Variants in HECW1 observed in about 807,000 individuals in gnomAD.
HECW1 encodes E3 ubiquitin-protein ligase HECW1.
Under a neutral mutation model 182.3 loss-of-function variants are expected in HECW1, and 61 were observed. The observed-to-expected ratio is 0.33, with a 90% CI of 0.27 to 0.41. The LOEUF (loss-of-function observed/expected upper bound fraction) is 0.41. HECW1 is among the 10% of genes least tolerant of loss of function. HECW1 has a pLI of 1.00. For synonymous variants in HECW1, 859 were observed against 832.6 expected (o/e 1.03, Z -0.55); for missense variants, 1,739 against 2,108.9 (o/e 0.82, Z 3.44).
At chr7:43,454,253 G>C (rs1005559618) in intron 12 of HECW1, among the ~76,000 whole-genome samples, 34 of 152,360 alleles carry the variant, frequency 2.2e-4, no homozygotes, top group African/African-American at 7.9e-4. Context: ...CTCTAGTTCA[G>C]AGTGAGTGCT....
At chr7:43,456,241 A>T in intron 12 of HECW1, 56 bp from the exon 13 acceptor site, 1 of 1,539,286 alleles carries the variant, frequency 6.5e-7, no homozygotes, top group Non-Finnish European at 8.9e-7. Context: ...TATGTGTTTC[A>T]CGTGGGTCAG....
Position 43,517,310 on chromosome 7 carries a change from T to C in HECW1, c.4019+8189T>C, listed in dbSNP as rs189079950. ...TTTCCAAGAGGATCCCAAGGCCCTT[T>C]GCTAACTGCAAAATAAACAGACTCC... On this transcript the variant is annotated intron_variant, in intron 24 of 29. Transcript: ENST00000395891. Among the ~76,000 whole-genome samples, 572 of 152,248 alleles carry C rather than the reference T, an allele frequency of 3.8e-3. 1 individual carries two copies. Among genetic ancestry groups the C allele is most frequent in the African/African-American group, 0.013 (538 of 41,548 alleles).
At chr7:43,179,533 G>A (rs1460028222) in intron 2 of HECW1, among the ~76,000 whole-genome samples, 1 of 149,684 alleles carries the variant, frequency 6.7e-6, no homozygotes, top group African/African-American at 2.5e-5. Flanking sequence ...GGTTATTTGG[G>A]AGAATTGTAT....
chr7:43,458,238 T>G (rs1204620307), intron 13 of HECW1, among the ~76,000 whole-genome samples: 2 of 152,208 alleles, frequency 1.3e-5, no homozygotes, highest in Non-Finnish European at 2.9e-5. Context: ...TCCAATTGTT[T>G]AGCAGAGAAA....
intron 6 of HECW1, among the ~76,000 whole-genome samples, chr7:43,392,261 T>C (rs2075058730): frequency 6.6e-6 from 1 of 152,202 alleles, no homozygotes; most frequent in African/African-American, 2.4e-5. Context: ...TTAGGGGAAA[T>C]AATTCTGTAA....
At chr7:43,283,131 AAAAG>A (rs59930626) in intron 3 of HECW1, among the ~76,000 whole-genome samples, 248 of 152,184 alleles carry the variant, frequency 1.6e-3, no homozygotes, top group South Asian at 9.6e-3. Context: ...TCCAAAAAAA[AAAAG>A]AAAGAAAGAA....
At chr7:43,277,792 A>T (rs1476365958) in intron 3 of HECW1, among the ~76,000 whole-genome samples, 1 of 152,010 alleles carries the variant, frequency 6.6e-6, no homozygotes, top group Non-Finnish European at 1.5e-5. Flanking sequence ...TAGAACCACC[A>T]AGGATCTCCA....
intron 8 of HECW1, among the ~76,000 whole-genome samples, chr7:43,422,121 G>A (rs2076202574): frequency 6.6e-6 from 1 of 152,128 alleles, no homozygotes; most frequent in East Asian, 1.9e-4. Context: ...TTAAATATCA[G>A]ATTGGAGGAA....
At chr7:43,367,738 G>GTC (rs1310366845) in intron 6 of HECW1, among the ~76,000 whole-genome samples, 1 of 152,142 alleles carries the variant, frequency 6.6e-6, no homozygotes, top group Non-Finnish European at 1.5e-5. Context: ...TTTAAACTTT[G>GTC]TCTCCATTCT....
chr7:43,146,682 C>T (rs981186815), intron 2 of HECW1, among the ~76,000 whole-genome samples: 1 of 152,176 alleles, frequency 6.6e-6, no homozygotes, highest in East Asian at 1.9e-4. Context: ...AAGAGAGAAG[C>T]TTCTGAAGGG....
chr7:43,544,708 G>A (rs2081489653), intron 26 of HECW1, among the ~76,000 whole-genome samples: 2 of 152,140 alleles, frequency 1.3e-5, no homozygotes, highest in Admixed American at 6.5e-5. Context: ...CAGTCTAAAT[G>A]TCCAGCAGTA....
intron 12 of HECW1, among the ~76,000 whole-genome samples, chr7:43,451,335 A>T (rs1406127546): frequency 2.0e-5 from 3 of 152,204 alleles, no homozygotes; most frequent in Admixed American, 6.5e-5. Context: ...AAGCATCTCC[A>T]TATGTTAAAA....
chr7:43,562,817 GGAA>G lies in HECW1; in HGVS notation c.*896_*898del, dbSNP rs1200323386. 3 of 216,662 alleles carry G rather than the reference GGAA, an allele frequency of 1.4e-5. No homozygotes were observed. The highest frequency in any genetic ancestry group is 6.8e-5 in the African/African-American group (3 of 44,382). The allele number at this position is 216,662 out of a possible 1,614,324, so 13.4% of individuals were successfully genotyped here. On this transcript the variant is annotated 3_prime_UTR_variant, in exon 30 of 30. Coordinates refer to ENST00000395891, the MANE Select transcript of HECW1 (RefSeq NM_015052.5). ...ATGTGGCAATGCCAACTGGAGAAAG[GGAA>G]GAAGGACATATTACCTTGGTTTGAA... is the stretch of plus-strand genomic sequence containing the variant.
At chr7:43,425,512 G>A (rs781014678) in intron 8 of HECW1, among the ~76,000 whole-genome samples, 1 of 152,052 alleles carries the variant, frequency 6.6e-6, no homozygotes, top group Non-Finnish European at 1.5e-5. Flanking sequence ...ACTACAGATT[G>A]GAATTGTGGT....
At chr7:43,321,046 G>T (rs957187899) in intron 5 of HECW1, among the ~76,000 whole-genome samples, 1 of 152,122 alleles carries the variant, frequency 6.6e-6, no homozygotes, top group Non-Finnish European at 1.5e-5. Context: ...TCACTCCATG[G>T]CTCCTCCGGG....
chr7:43,224,686 A>G (rs1359179499), intron 2 of HECW1, among the ~76,000 whole-genome samples: 1 of 152,096 alleles, frequency 6.6e-6, no homozygotes, highest in East Asian at 1.9e-4. Context: ...ATGGTGGCAC[A>G]CGCCTGTCAT....
intron 2 of HECW1, chr7:43,241,541 T>A (rs17172179): frequency 0.14 from 21,482 of 151,982 alleles, 2,055 homozygotes; most frequent in African/African-American, 0.27. Flanking sequence ...TCCCCAGTAC[T>A]AAGTGCTAAA....
At chr7:43,451,293 C>A (rs2077227611) in intron 12 of HECW1, among the ~76,000 whole-genome samples, 1 of 152,288 alleles carries the variant, frequency 6.6e-6, no homozygotes, top group East Asian at 1.9e-4. Context: ...ATAGAATAAT[C>A]CTATTGTTCT....
chr7:43,565,140 TA>T lies in HECW1; in HGVS notation c.*3219del. ...TTCTACAGTGTGAAGATGATAATCC[TA>T]AAAATGGAAATTGATTCTGTGAGGT... On this transcript the variant is annotated 3_prime_UTR_variant, in exon 30 of 30. Coordinates refer to ENST00000395891, the MANE Select transcript of HECW1 (RefSeq NM_015052.5). 1 of 200,582 alleles carries T rather than the reference TA, an allele frequency of 5.0e-6. No homozygotes were observed. Among genetic ancestry groups the T allele is most frequent in the Non-Finnish European group, 1.0e-5 (1 of 97,386 alleles). The allele number at this position is 200,582 out of a possible 1,614,324, so 12.4% of individuals were successfully genotyped here.
Sources: allele counts gnomAD v4.1 joint callset (sites outside exome capture counted in the v4.1 genomes callset), GRCh38; gene constraint gnomAD v4.1.1; transcripts MANE v1.5; gene names NCBI Gene and HGNC (gene_info 2026-07-23, HGNC 2026-07-21).